Variants in BROX observed in about 807,000 individuals in gnomAD.
The protein encoded by BROX is BRO1 domain and CAAX motif containing.
A neutral mutation model predicts 61.0 loss-of-function variants in BROX; 53 were observed. The observed-to-expected ratio is 0.87, with a 90% CI of 0.70 to 1.09. The LOEUF (loss-of-function observed/expected upper bound fraction) is 1.09, where lower values mean the gene tolerates loss of function less well. BROX is among the 50% of genes least tolerant of loss of function. The pLI is 0.00. For missense variants in BROX, 489 were observed against 472.0 expected, an observed-to-expected ratio of 1.04 and a Z score of -0.33; for synonymous variants, 152 against 160.2, an observed-to-expected ratio of 0.95 and a Z score of 0.38.
intron 1 of BROX, among the ~76,000 whole-genome samples, chr1:222,714,209 C>CTTTT (rs397864188): frequency 1.0e-4 from 13 of 126,808 alleles, no homozygotes; most frequent in South Asian, 2.5e-4. Context: ...AGACATGCTG[C>CTTTT]TTTTTTTTTT....
At chr1:222,731,684 A>G (rs1387080913) in intron 12 of BROX, among the ~76,000 whole-genome samples, 168 bp downstream of exon 12, 2 of 152,246 alleles carry the variant, frequency 1.3e-5, no homozygotes, top group Admixed American at 6.5e-5. Context: ...TCTCAGAGAT[A>G]AGACCTCTAG....
chr1:222,727,372 G>A, intron 8 of BROX, 115 bp downstream of exon 8: 1 of 736,166 alleles, frequency 1.4e-6, no homozygotes, highest in South Asian at 1.6e-5. Flanking sequence ...TTGCAAAACT[G>A]GAGTAATATT....
Position 222,734,398 on chromosome 1 carries a change from C to G in BROX, c.*1684C>G, listed in dbSNP as rs1261305428. 1 of 151,992 alleles carries G rather than the reference C, an allele frequency of 6.6e-6. No homozygotes were observed. The highest frequency in any genetic ancestry group is 2.4e-5 in the African/African-American group (1 of 41,370). 9.4% of individuals were successfully genotyped at this position (151,992 alleles called of 1,614,324 possible). A position where few individuals can be genotyped will look rare whatever the true frequency, so the allele number is the denominator to read the frequency against. ...ATTATGAAAAATGAATAGATTATGC[C>G]TATCTGAATCAATATTGCATTCAAA... On this transcript the variant is annotated 3_prime_UTR_variant, in exon 13 of 13. Coordinates refer to ENST00000340934, the MANE Select transcript of BROX (RefSeq NM_144695.4).
At chr1:222,721,956 C>T (rs545730655) in intron 4 of BROX, among the ~76,000 whole-genome samples, 1 of 152,238 alleles carries the variant, frequency 6.6e-6, no homozygotes, top group African/African-American at 2.4e-5. Flanking sequence ...AGGGACAGTT[C>T]AGATTTTATA....
rs147619457 is a variant in BROX at position 222,727,173 on chromosome 1, A to G, written c.586A>G (p.Ile196Val). 17 of 1,610,726 alleles carry G rather than the reference A, an allele frequency of 1.1e-5. No individual in the cohort carries two copies. The East Asian group carries it at 2.9e-4, about 27-fold the overall frequency. The change falls in exon 8 of 13, where the codon ATT becomes GTT. Residue 196 changes from isoleucine (I) to valine (V), a missense_variant. Physicochemically the swap from Ile to Val is conservative, Grantham distance 29 (BLOSUM62 3). Transcript: ENST00000340934. Reference protein sequence around the residue: ...QCQAEAQEVTIARAIELKHAP... With the variant: ...QCQAEAQEVTVARAIELKHAP... ...TTTATTGTGTTTGGTTACAGTAACA[A>G]TTGCTCGAGCAATTGAACTAAAACA...
chr1:222,722,921 G>A lies in BROX; in HGVS notation c.401+407G>A, dbSNP rs142406513. On this transcript the variant is annotated intron_variant, in intron 5 of 12. Transcript: ENST00000340934. ...ACCGTCAAATCAATTGAAAAGCAAA[G>A]GACATGAACAGGCAATTCACAGAAA... Among the ~76,000 whole-genome samples the A allele has an allele frequency of 4.6e-5, 7 of 152,268 alleles. No individual in the cohort carries two copies. The East Asian group carries it at 1.4e-3, about 29-fold the overall frequency.
At chr1:222,719,731 T>C (rs1047914386) in intron 4 of BROX, among the ~76,000 whole-genome samples, 5 of 152,234 alleles carry the variant, frequency 3.3e-5, no homozygotes, top group Non-Finnish European at 4.4e-5. Context: ...TGATGGATAC[T>C]TCATGTCTTC....
chr1:222,720,187 T>C (rs1377287548), intron 4 of BROX, among the ~76,000 whole-genome samples: 1 of 152,166 alleles, frequency 6.6e-6, no homozygotes, highest in Non-Finnish European at 1.5e-5. Flanking sequence ...TAGAGTACTT[T>C]GTGAGAAGCA....
chr1:222,712,627 T>A lies in BROX; in HGVS notation c.-332T>A. 7.5e-7 allele frequency: 1 copy of A among 1,332,232 alleles called. No individual in the cohort carries two copies. The highest frequency in any genetic ancestry group is 9.8e-7 in the Non-Finnish European group (1 of 1,018,246). 82.5% of individuals were successfully genotyped at this position (1,332,232 alleles called of 1,614,324 possible). A position where few individuals can be genotyped will look rare whatever the true frequency, so the allele number is the denominator to read the frequency against. ...CCTCGGCTCCGGAGGTAGGGGCAAC[T>A]CTTCTCTTCCTGTCTGGGAAAAAGA... On this transcript the variant is annotated 5_prime_UTR_variant, in exon 1 of 13. Coordinates refer to ENST00000340934, the MANE Select transcript of BROX (RefSeq NM_144695.4).
chr1:222,724,167 AAAAC>A lies in BROX; in HGVS notation c.474+15_474+18del, dbSNP rs770754993. 54 of 1,596,780 alleles carry A rather than the reference AAAAC, an allele frequency of 3.4e-5. No homozygotes were observed. The highest frequency in any genetic ancestry group is 3.8e-5 in the Non-Finnish European group (45 of 1,172,064). ...CTGGGATTTTTAAACATTTAAAGGT[AAAAC>A]AAACAAACAAAAACCATTATTTGTT... is the stretch of plus-strand genomic sequence containing the variant. On this transcript the variant is annotated splice_donor_5th_base_variant and intron_variant, in intron 6 of 12. Coordinates refer to ENST00000340934, the MANE Select transcript of BROX (RefSeq NM_144695.4).
chr1:222,730,216 G>A (rs755795884), intron 11 of BROX, 39 bp downstream of exon 11: 165 of 1,267,736 alleles, frequency 1.3e-4, no homozygotes, highest in Non-Finnish European at 1.6e-4. Context: ...ATAATATTAT[G>A]TTGATTTATG....
rs764565225 is a variant in BROX, at chr1:222,712,818, C to T, written c.-141C>T. On this transcript the variant is annotated 5_prime_UTR_variant, in exon 1 of 13. Coordinates refer to ENST00000340934, the MANE Select transcript of BROX (RefSeq NM_144695.4). Reference sequence around the variant, plus strand: ...CACGTGACTCCGGCTTGGCGCCGTCCTGGTTTTCCGTCACCCTGGTTCTGT... The same window carrying T: ...CACGTGACTCCGGCTTGGCGCCGTCTTGGTTTTCCGTCACCCTGGTTCTGT... 1.2e-5 allele frequency: 15 copies of T among 1,288,584 alleles called. No individual in the cohort carries two copies. In the South Asian group the frequency reaches 1.4e-4, roughly 12 times the overall value. The allele number at this position is 1,288,584 out of a possible 1,614,324, so 79.8% of individuals were successfully genotyped here. A position where few individuals can be genotyped will look rare whatever the true frequency, so the allele number is the denominator to read the frequency against.
At chr1:222,714,557 G>A (rs1656409414) in intron 1 of BROX, among the ~76,000 whole-genome samples, 1 of 149,648 alleles carries the variant, frequency 6.7e-6, no homozygotes, top group Admixed American at 6.6e-5. Flanking sequence ...TCTCACTTAG[G>A]TGGTGTTCCA....
rs754698088 is a variant in BROX, at chr1:222,715,674, T to C, written c.-16-10T>C. The stretch of plus-strand genomic sequence containing the variant: ...TAATTTTTGTATATTTTTTACTTTT[T>C]TGTCTATAGAAAACATCTGGAGAAA... On this transcript the variant is annotated splice_polypyrimidine_tract_variant and intron_variant, in intron 1 of 12. Transcript: ENST00000340934. 7.5e-7 allele frequency: 1 copy of C among 1,341,176 alleles called. No individual in the cohort carries two copies. The highest frequency in any genetic ancestry group is 2.7e-5 in the Admixed American group (1 of 37,494). 83.1% of individuals were successfully genotyped at this position (1,341,176 alleles called of 1,614,324 possible). A position where few individuals can be genotyped will look rare whatever the true frequency, so the allele number is the denominator to read the frequency against.
intron 11 of BROX, among the ~76,000 whole-genome samples, chr1:222,731,052 G>A (rs915448832): frequency 6.6e-6 from 1 of 152,002 alleles, no homozygotes; most frequent in African/African-American, 2.4e-5. Flanking sequence ...TAGTCATAAT[G>A]AGCTTTTCAC....
At chr1:222,713,148 C>T (rs1656193110) in intron 1 of BROX, 18 of 978,068 alleles carry the variant, frequency 1.8e-5, no homozygotes, top group Non-Finnish European at 2.2e-5. Context: ...CAGCTAGATC[C>T]GCTGAATCCC....
chr1:222,723,690 G>C (rs192199985), intron 5 of BROX, among the ~76,000 whole-genome samples: 411 of 152,086 alleles, frequency 2.7e-3, no homozygotes, highest in Non-Finnish European at 4.5e-3. Flanking sequence ...TTTTGGTGGC[G>C]GGGGGATGGA....
At chr1:222,715,923 T>G in intron 2 of BROX, 123 bp downstream of exon 2, 1 of 589,012 alleles carries the variant, frequency 1.7e-6, no homozygotes. Flanking sequence ...ATTTAAGAGT[T>G]AAATCATAGA....
intron 2 of BROX, among the ~76,000 whole-genome samples, chr1:222,718,460 T>C (rs975880092): frequency 1.3e-5 from 2 of 152,190 alleles, no homozygotes; most frequent in Non-Finnish European, 2.9e-5. Context: ...GTGTTTTATG[T>C]CAGATTTAGA....
Sources: gnomAD v4.1 joint callset for allele counts (sites outside exome capture counted in the v4.1 genomes callset) on GRCh38, gnomAD v4.1.1 for gene constraint, MANE v1.5 for transcripts, NCBI Gene and HGNC (gene_info 2026-07-23, HGNC 2026-07-21) for gene names.